CDC20B: variants seen among roughly 807,000 people sequenced by gnomAD.
CDC20B encodes the protein cell division cycle 20B.
CDC20B carries 58 observed loss-of-function variants against 64.1 expected under a neutral mutation model. The observed-to-expected ratio is 0.90, with a 90% CI of 0.73 to 1.13. The LOEUF is 1.13. Among genes scored for constraint, CDC20B ranks in the 50% most tolerant of loss-of-function variants. CDC20B has a pLI of 0.00. For synonymous variants in CDC20B, 243 were observed against 230.6 expected (o/e 1.05, Z -0.49); for missense variants, 597 against 633.0 (o/e 0.94, Z 0.61).
At chr5:55,131,852 G>T (rs927455742) in intron 6 of CDC20B, among the ~76,000 whole-genome samples, 1 of 152,142 alleles carries the variant, frequency 6.6e-6, no homozygotes, top group Non-Finnish European at 1.5e-5. Flanking sequence ...ATCACTTGAG[G>T]TCAGGAGTTC....
chr5:55,161,182 A>G (rs773600557), intron 2 of CDC20B: 1 of 1,614,204 alleles, frequency 6.2e-7, no homozygotes. Context: ...AAAACTACGG[A>G]GTAACTTTCC....
chr5:55,131,630 T>C (rs1422070268), intron 6 of CDC20B, among the ~76,000 whole-genome samples: 1 of 152,210 alleles, frequency 6.6e-6, no homozygotes, highest in Non-Finnish European at 1.5e-5. Flanking sequence ...AGTTCTTTGG[T>C]AATGTTTGGA....
chr5:55,136,398 A>G (rs1743172474), intron 5 of CDC20B: 1 of 152,056 alleles, frequency 6.6e-6, no homozygotes, highest in Non-Finnish European at 1.5e-5. Context: ...GCCTCTACTA[A>G]AAGTACAAAA....
chr5:55,160,526 T>A, intron 2 of CDC20B: 5 of 642,146 alleles, frequency 7.8e-6, no homozygotes, highest in Non-Finnish European at 1.4e-5. Flanking sequence ...ATGGTATTAG[T>A]ACATCACTTT....
chr5:55,149,594 G>T (rs756916125), intron 2 of CDC20B, among the ~76,000 whole-genome samples: 15 of 152,330 alleles, frequency 9.8e-5, no homozygotes, highest in Non-Finnish European at 2.1e-4. Flanking sequence ...CTAAGTGAAA[G>T]AAGCCAGACA....
chr5:55,160,910 A>T (rs1202615702), intron 2 of CDC20B: 24 of 1,403,930 alleles, frequency 1.7e-5, no homozygotes, highest in Non-Finnish European at 2.3e-5. Context: ...TCCCCCCCAA[A>T]TTGTTTAGGA....
At chr5:55,115,201 C>T (rs900402768) in intron 11 of CDC20B, among the ~76,000 whole-genome samples, 2 of 152,190 alleles carry the variant, frequency 1.3e-5, no homozygotes, top group African/African-American at 4.8e-5. Context: ...TAATACTTCT[C>T]CTTCTGTTAA....
At chr5:55,166,680 A>AGTCTGGGACACAGAGTGCTACAGGAT (rs1744406190) in intron 2 of CDC20B, 1 of 152,276 alleles carries the variant, frequency 6.6e-6, no homozygotes, top group Admixed American at 6.5e-5. Context: ...TGCATCAAAA[A>AGTCTGGGACACAGAGTGCTACAGGAT]GTCTGGGACA....
chr5:55,121,187 A>ATAAC (rs1343361927), intron 9 of CDC20B, among the ~76,000 whole-genome samples: 1 of 152,198 alleles, frequency 6.6e-6, no homozygotes, highest in Non-Finnish European at 1.5e-5. Context: ...CTACAGTTAT[A>ATAAC]TGTATCTGTG....
intron 1 of CDC20B, 29 bp downstream of exon 1, chr5:55,172,909 G>T (rs1319600710): frequency 1.3e-6 from 2 of 1,574,340 alleles, no homozygotes; most frequent in East Asian, 4.7e-5. Flanking sequence ...TAGAGAGTTA[G>T]GGAGAATGCA....
In CDC20B at chr5:55,114,298, G is replaced by C. The variant is rs1176522584; in HGVS notation, c.1480C>G (p.His494Asp). 6.2e-7 allele frequency: 1 copy of C among 1,613,908 alleles called. No homozygotes were observed. Among genetic ancestry groups the C allele is most frequent in the South Asian group, 1.1e-5 (1 of 91,064 alleles). The change falls in exon 12 of 12, where the codon CAC becomes GAC. Residue 494 changes from histidine (H) to aspartate (D), a missense_variant. Transcript: ENST00000381375. This position sits in a 1 kb window ranked among gnomAD's most constrained non-coding sequence, Gnocchi z 4.1. ...GTCTGGTCTGGACTCAAAGACAGGT[G>C]CAGCACTCTGCCCCTGTGGCCTGGG... ...GFFGHRGRVL[H>D]LSLSPDQTRV...
intron 11 of CDC20B, among the ~76,000 whole-genome samples, chr5:55,115,996 C>T (rs780368284): frequency 2.0e-5 from 3 of 152,024 alleles, no homozygotes; most frequent in Admixed American, 6.6e-5. Flanking sequence ...ACATTTATAA[C>T]GACAATGCAG....
At chr5:55,164,467 A>G (rs1744273926) in intron 2 of CDC20B, 1 of 264,252 alleles carries the variant, frequency 3.8e-6, no homozygotes, top group Admixed American at 5.2e-5. Context: ...ATGTTACCCA[A>G]AGCAAAAATC....
rs757269167 is a variant in CDC20B, at chr5:55,119,790, C to T, written c.1459+11G>A. The T allele has an allele frequency of 1.9e-6, 3 of 1,543,226 alleles. No homozygotes were observed. Among genetic ancestry groups the T allele is most frequent in the Non-Finnish European group, 2.7e-6 (3 of 1,115,736 alleles). ...ATAGGTGCATGGCATTTTACTCACCCATTTGCTTACCAAAAAACCCACCTG... is the reference window on the plus strand; with the variant it reads ...ATAGGTGCATGGCATTTTACTCACCTATTTGCTTACCAAAAAACCCACCTG... On this transcript the variant is annotated intron_variant, in intron 11 of 11. Transcript: ENST00000381375.
At chr5:55,120,625 T>C in intron 9 of CDC20B, 75 bp from the exon 10 acceptor site, 4 of 1,577,112 alleles carry the variant, frequency 2.5e-6, no homozygotes, top group African/African-American at 1.4e-5. Context: ...TGCACTTAGG[T>C]AAGCAGCAAG....
rs1434992181 is a variant in CDC20B at position 55,173,033 on chromosome 5, C to A, written c.-33G>T. 1 of 1,589,588 alleles carries A rather than the reference C, an allele frequency of 6.3e-7. No individual in the cohort carries two copies. Among genetic ancestry groups the A allele is most frequent in the South Asian group, 1.1e-5 (1 of 87,518 alleles). On this transcript the variant is annotated 5_prime_UTR_variant, in exon 1 of 12. Transcript: ENST00000381375. Reference sequence around the variant, plus strand: ...TGACTTCGCCCTGCCTGGCGTTTGGCCTCTCTGCTCGACTGCCTCTGGTTT... The same window carrying A: ...TGACTTCGCCCTGCCTGGCGTTTGGACTCTCTGCTCGACTGCCTCTGGTTT...
At chr5:55,140,121 T>C (rs1359873686) in intron 5 of CDC20B, among the ~76,000 whole-genome samples, 193 bp downstream of exon 5, 1 of 152,156 alleles carries the variant, frequency 6.6e-6, no homozygotes, top group Non-Finnish European at 1.5e-5. Flanking sequence ...GAACTAAAGG[T>C]GGTCACCTAT....
intron 2 of CDC20B, among the ~76,000 whole-genome samples, chr5:55,169,051 A>G (rs1744506075): frequency 1.3e-5 from 2 of 152,242 alleles, no homozygotes; most frequent in Admixed American, 1.3e-4. Flanking sequence ...TTCTAAATTT[A>G]GTAGGTTTTA....
intron 2 of CDC20B, chr5:55,160,468 AT>A (rs1165729276): frequency 3.6e-5 from 46 of 1,264,594 alleles, no homozygotes; most frequent in Non-Finnish European, 4.8e-5. Context: ...AATAAAATCA[AT>A]TTTTTGCTGT....
Sources: allele counts gnomAD v4.1 joint callset (sites outside exome capture counted in the v4.1 genomes callset), GRCh38; gene constraint gnomAD v4.1.1; non-coding constraint Gnocchi (gnomAD v3.1); transcripts MANE v1.5; gene names NCBI Gene and HGNC (gene_info 2026-07-23, HGNC 2026-07-21).